Variants in LY75 observed in about 807,000 individuals in gnomAD.
The protein encoded by LY75 is C-type lectin domain family 13 member B.
Under a neutral mutation model 231.7 loss-of-function variants are expected in LY75, and 185 were observed. That is an observed-to-expected ratio of 0.80 (90% CI 0.71 to 0.90). The LOEUF (loss-of-function observed/expected upper bound fraction) is 0.90. Among genes scored for constraint, LY75 ranks in the 40% least tolerant of loss-of-function variants. The pLI is 0.00. For missense variants in LY75, 1,947 were observed against 2,050.2 expected, an observed-to-expected ratio of 0.95 and a Z score of 0.97; for synonymous variants, 668 against 689.0, an observed-to-expected ratio of 0.97 and a Z score of 0.48.
intron 25 of LY75, among the ~76,000 whole-genome samples, chr2:159,838,678 C>T (rs1326982985): frequency 6.6e-6 from 1 of 152,134 alleles, no homozygotes; most frequent in Non-Finnish European, 1.5e-5. Flanking sequence ...CACAGAATTT[C>T]CAATGCTGAA....
Position 159,804,544 on chromosome 2 carries a change from G to A in LY75, c.*500C>T, listed in dbSNP as rs1158499103. 1.4e-4 allele frequency: 22 copies of A among 152,680 alleles called. No individual in the cohort carries two copies. The Admixed American group carries it at 1.4e-3, about 10-fold the overall frequency. 9.5% of individuals were successfully genotyped at this position (152,680 alleles called of 1,614,324 possible). ...AAAATAAAAATTAAAAAGTAAGCAT[G>A]TCTTATTGTTTATTTTTCCCCAGTG... is the stretch of plus-strand genomic sequence containing the variant. On this transcript the variant is annotated 3_prime_UTR_variant, in exon 35 of 35. Coordinates refer to ENST00000263636, the MANE Select transcript of LY75 (RefSeq NM_002349.4).
rs765203396 is a variant in LY75, at chr2:159,881,140, C to T, written c.1347G>A (p.Glu449=). ...TATTGTAGGGAACATTTGGCTCATT[C>T]TCATCCCAATATGTTAGAGTAACTT... ...GTEVTLTYWD[E]NEPNVPYNKT... Residue 449 remains glutamate (E), a synonymous_variant, in exon 8 of 35, where the codon GAG becomes GAA. Transcript: ENST00000263636. 11 of 1,613,916 alleles carry T rather than the reference C, an allele frequency of 6.8e-6. No individual in the cohort carries two copies. Among genetic ancestry groups the T allele is most frequent in the Non-Finnish European group, 9.3e-6 (11 of 1,179,912 alleles).
At chr2:159,880,649 C>T (rs1316952744) in intron 8 of LY75, among the ~76,000 whole-genome samples, 1 of 152,152 alleles carries the variant, frequency 6.6e-6, no homozygotes, top group Admixed American at 6.5e-5. Context: ...AAGTAGCTAC[C>T]AGAAAGACAG....
At chr2:159,843,138 G>A (rs1684094042) in intron 23 of LY75, among the ~76,000 whole-genome samples, 1 of 151,802 alleles carries the variant, frequency 6.6e-6, no homozygotes, top group Admixed American at 6.6e-5. Context: ...CAATATAGGA[G>A]ATTGGAAAAT....
At chr2:159,880,993 C>T in intron 8 of LY75, 90 bp downstream of exon 8, 1 of 1,480,800 alleles carries the variant, frequency 6.8e-7, no homozygotes, top group Non-Finnish European at 9.1e-7. Flanking sequence ...TATTTTCCAG[C>T]TTATACGCAA....
rs1685711748 is a variant in LY75 at position 159,890,358 on chromosome 2, A to G, written c.657T>C (p.Asn219=). 6.2e-6 allele frequency: 10 copies of G among 1,613,198 alleles called. No homozygotes were observed. The highest frequency in any genetic ancestry group is 8.5e-6 in the Non-Finnish European group (10 of 1,179,590). ...TTCCAAACTGCTCGTTCTTTTCCCA[A>G]TTATCTTCACAACCGTTTTCTGTTG... ...CLKPENGCED[N]WEKNEQFGSC... Residue 219 remains asparagine (N), a synonymous_variant, in exon 4 of 35, where the codon AAT becomes AAC. Coordinates refer to ENST00000263636, the MANE Select transcript of LY75 (RefSeq NM_002349.4).
intron 29 of LY75, among the ~76,000 whole-genome samples, chr2:159,817,341 G>A (rs1160168872): frequency 2.6e-5 from 4 of 152,210 alleles, no homozygotes; most frequent in African/African-American, 9.7e-5. Flanking sequence ...TGTGAAATTG[G>A]TAGAGATTCA....
At chr2:159,815,649 C>A (rs1230308811) in intron 30 of LY75, 76 bp from the exon 31 acceptor site, 1 of 1,496,428 alleles carries the variant, frequency 6.7e-7, no homozygotes, top group Non-Finnish European at 9.0e-7. Flanking sequence ...AACATACATA[C>A]TTTAAGAAAT....
chr2:159,811,598 G>A (rs1018679898), intron 31 of LY75, among the ~76,000 whole-genome samples: 19 of 152,166 alleles, frequency 1.2e-4, no homozygotes, highest in Non-Finnish European at 2.2e-4. Context: ...ATGTCCTTCA[G>A]TAAGTAAAGG....
intron 14 of LY75, among the ~76,000 whole-genome samples, chr2:159,863,730 C>T (rs1420703632): frequency 6.6e-6 from 1 of 152,142 alleles, no homozygotes; most frequent in Non-Finnish European, 1.5e-5. Context: ...AGATGGCCTA[C>T]ATGTATGTTC....
At position 159,842,240 on chromosome 2, in the gene LY75, G is replaced by C; in HGVS notation, c.3280+5C>G. The stretch of plus-strand genomic sequence containing the variant: ...TACCATAGTTATCTAGATAATAATT[G>C]TTACCTGAATATTTCTGACAGAGAG... On this transcript the variant is annotated splice_donor_5th_base_variant and intron_variant, in intron 24 of 34. Transcript: ENST00000263636. 2 of 1,607,314 alleles carry C rather than the reference G, an allele frequency of 1.2e-6. No individual in the cohort carries two copies. Among genetic ancestry groups the C allele is most frequent in the Non-Finnish European group, 1.7e-6 (2 of 1,176,592 alleles).
At chr2:159,808,634 A>G in intron 32 of LY75, 63 bp from the exon 33 acceptor site, 3 of 1,589,314 alleles carry the variant, frequency 1.9e-6, no homozygotes, top group Non-Finnish European at 1.7e-6. Flanking sequence ...TTTATTCTCA[A>G]CTAGCCATTT....
intron 9 of LY75, 26 bp downstream of exon 9, chr2:159,879,233 A>AAAATTTACAT: frequency 6.2e-7 from 1 of 1,603,042 alleles, no homozygotes; most frequent in Non-Finnish European, 8.5e-7. Flanking sequence ...ACTGCTTGAG[A>AAAATTTACAT]AAATTTACAT....
intron 8 of LY75, among the ~76,000 whole-genome samples, chr2:159,879,807 T>C (rs1335157998): frequency 6.6e-6 from 1 of 152,210 alleles, no homozygotes; most frequent in Non-Finnish European, 1.5e-5. Context: ...CTATTCTCCA[T>C]GAATTCTAGG....
At chr2:159,811,476 T>G (rs933229723) in intron 31 of LY75, among the ~76,000 whole-genome samples, 6 of 152,200 alleles carry the variant, frequency 3.9e-5, no homozygotes, top group Admixed American at 3.9e-4. Flanking sequence ...GAAAGTAAAT[T>G]GTCAATGTCG....
At chr2:159,839,941 G>A (rs943052969) in intron 25 of LY75, among the ~76,000 whole-genome samples, 4 of 141,202 alleles carry the variant, frequency 2.8e-5, no homozygotes, top group African/African-American at 5.2e-5. Context: ...TGGAGGTGGA[G>A]GTTGCAGTGA....
chr2:159,877,568 A>G (rs564835294), intron 11 of LY75, among the ~76,000 whole-genome samples: 22 of 152,258 alleles, frequency 1.4e-4, no homozygotes, highest in African/African-American at 5.1e-4. Context: ...AAGAGGAAAT[A>G]ACTTTCAAAA....
At chr2:159,819,965 A>G (rs769172256) in intron 28 of LY75, 45 bp from the exon 29 acceptor site, 1 of 1,524,670 alleles carries the variant, frequency 6.6e-7, no homozygotes, top group Admixed American at 2.2e-5. Context: ...TTAAATCAAG[A>G]CTTGAATTAC....
intron 2 of LY75, among the ~76,000 whole-genome samples, chr2:159,896,726 T>C (rs1379884023): frequency 5.3e-5 from 8 of 152,152 alleles, no homozygotes; most frequent in Non-Finnish European, 1.2e-4. Context: ...TTTGATTATA[T>C]TGGAGTGGTG....
Sources: gnomAD v4.1 joint callset for allele counts (sites outside exome capture counted in the v4.1 genomes callset) on GRCh38, gnomAD v4.1.1 for gene constraint, MANE v1.5 for transcripts, NCBI Gene and HGNC (gene_info 2026-07-23, HGNC 2026-07-21) for gene names.